PTPRK: variants seen among roughly 807,000 people sequenced by gnomAD.
PTPRK encodes the protein protein tyrosine phosphatase receptor type K, also known as receptor-type tyrosine-protein phosphatase kappa.
PTPRK carries 75 observed loss-of-function variants against 178.0 expected under a neutral mutation model. That is an observed-to-expected ratio of 0.42 (90% CI 0.35 to 0.51). The LOEUF (loss-of-function observed/expected upper bound fraction) is 0.51. Ranked by LOEUF, PTPRK falls within the 20% of genes least tolerant of loss-of-function variation. The probability of loss-of-function intolerance (pLI) is 0.02; values close to 1 mark genes in which losing one functional copy is unlikely to be tolerated. For missense variants in PTPRK, 1,441 were observed against 1,797.8 expected, an observed-to-expected ratio of 0.80 and a Z score of 3.59; for synonymous variants, 637 against 620.6, an observed-to-expected ratio of 1.03 and a Z score of -0.39.
intron 2 of PTPRK, among the ~76,000 whole-genome samples, chr6:128,348,163 T>A (rs1408309153): frequency 2.0e-5 from 3 of 152,086 alleles, no homozygotes; most frequent in Non-Finnish European, 4.4e-5. Flanking sequence ...TGAGGCTACA[T>A]TATTTCCAAG....
chr6:128,309,406 G>A (rs1007133675), intron 3 of PTPRK, among the ~76,000 whole-genome samples: 9 of 152,120 alleles, frequency 5.9e-5, no homozygotes, highest in African/African-American at 1.2e-4. Context: ...GAGTCCAGGA[G>A]TAATCAGAAA....
chr6:128,496,316 G>A (rs1854649408), intron 1 of PTPRK, among the ~76,000 whole-genome samples: 3 of 152,154 alleles, frequency 2.0e-5, no homozygotes, highest in Non-Finnish European at 4.4e-5. Context: ...GAGCAGGGAT[G>A]GGGGCTAGTC....
At chr6:128,447,226 T>G (rs1847148786) in intron 1 of PTPRK, among the ~76,000 whole-genome samples, 1 of 152,250 alleles carries the variant, frequency 6.6e-6, no homozygotes, top group South Asian at 2.1e-4. Flanking sequence ...TGCCAAGATT[T>G]CTACCTGACC....
At chr6:128,137,555 A>G (rs1317615052) in intron 7 of PTPRK, among the ~76,000 whole-genome samples, 2 of 152,124 alleles carry the variant, frequency 1.3e-5, no homozygotes, top group Non-Finnish European at 2.9e-5. Context: ...CTACGAACAG[A>G]TATCTCTTTG....
chr6:128,307,101 A>G (rs1270763983), intron 3 of PTPRK, among the ~76,000 whole-genome samples: 1 of 151,276 alleles, frequency 6.6e-6, no homozygotes, highest in Non-Finnish European at 1.5e-5. Context: ...AAGGTGATGT[A>G]CATCAACATG....
intron 7 of PTPRK, among the ~76,000 whole-genome samples, chr6:128,176,911 C>A (rs78988160): frequency 0.026 from 3,931 of 151,518 alleles, 74 homozygotes; most frequent in Middle Eastern, 0.086. Context: ...CTAATAATAC[C>A]TAGGATGGGT....
intron 2 of PTPRK, among the ~76,000 whole-genome samples, chr6:128,377,938 C>T (rs1014830546): frequency 1.3e-5 from 2 of 151,882 alleles, no homozygotes; most frequent in Non-Finnish European, 2.9e-5. Flanking sequence ...TTCTTTCTTA[C>T]TGTTGAAAAA....
chr6:128,090,096 G>T, intron 7 of PTPRK, 104 bp from the exon 8 acceptor site: 1 of 910,050 alleles, frequency 1.1e-6, no homozygotes, highest in Non-Finnish European at 1.7e-6. Flanking sequence ...TCTAGAAAAT[G>T]TGGAAGTCAT....
At chr6:128,033,514 A>T (rs970478262) in intron 13 of PTPRK, among the ~76,000 whole-genome samples, 4 of 152,194 alleles carry the variant, frequency 2.6e-5, no homozygotes, top group Admixed American at 2.6e-4. Context: ...TTACTGATAC[A>T]TGGATTTGAA....
chr6:128,514,770 A>C (rs1458364245), intron 1 of PTPRK, among the ~76,000 whole-genome samples: 2 of 152,222 alleles, frequency 1.3e-5, no homozygotes, highest in African/African-American at 4.8e-5. Context: ...GTTCCACGAG[A>C]GGATCAATGT....
At chr6:128,226,759 G>GACAGATATAT in intron 5 of PTPRK, among the ~76,000 whole-genome samples, 1 of 49,886 alleles carries the variant, frequency 2.0e-5, no homozygotes, top group African/African-American at 7.0e-5. Flanking sequence ...TAATTATATA[G>GACAGATATAT]ACATATATAT....
chr6:127,976,134 C>T (rs1305109249), intron 27 of PTPRK, among the ~76,000 whole-genome samples: 3 of 152,216 alleles, frequency 2.0e-5, no homozygotes, highest in East Asian at 1.9e-4. Context: ...TGCTTAGAGC[C>T]ATAGGTTGAG....
chr6:128,320,679 G>A (rs76691407), intron 3 of PTPRK, among the ~76,000 whole-genome samples: 202 of 152,162 alleles, frequency 1.3e-3, no homozygotes, highest in African/African-American at 4.8e-3. Flanking sequence ...CATGAAATCA[G>A]TACAATGATA....
Position 128,519,154 on chromosome 6 carries a change from G to A in PTPRK, c.100+1105C>T. 1 of 492,322 alleles carries A rather than the reference G, an allele frequency of 2.0e-6. No individual in the cohort carries two copies. The allele number at this position is 492,322 out of a possible 1,614,324, so 30.5% of individuals were successfully genotyped here. A position where few individuals can be genotyped will look rare whatever the true frequency, so the allele number is the denominator to read the frequency against. The stretch of plus-strand genomic sequence containing the variant: ...CAGCCAAGCGAAGCTGGGTAGGTTG[G>A]CCAGAAAAGTTGTCAGGACTGGCGG... On this transcript the variant is annotated intron_variant, in intron 1 of 29. Coordinates refer to ENST00000368226, the MANE Select transcript of PTPRK (RefSeq NM_002844.4). The surrounding 1 kb of genome is among the most constrained non-coding windows in gnomAD (Gnocchi z 4.3).
At chr6:128,227,771 G>A (rs759780109) in intron 5 of PTPRK, among the ~76,000 whole-genome samples, 14 of 151,960 alleles carry the variant, frequency 9.2e-5, no homozygotes, top group Non-Finnish European at 1.6e-4. Flanking sequence ...AACATATTAC[G>A]GAAATGATTC....
intron 1 of PTPRK, among the ~76,000 whole-genome samples, chr6:128,459,286 G>A (rs1430007637): frequency 6.6e-6 from 1 of 152,104 alleles, no homozygotes; most frequent in Non-Finnish European, 1.5e-5. Flanking sequence ...ACTTGGCAAA[G>A]TTCATTATAG....
intron 7 of PTPRK, among the ~76,000 whole-genome samples, chr6:128,106,727 T>A (rs1264018153): frequency 2.0e-5 from 3 of 152,176 alleles, no homozygotes; most frequent in Admixed American, 6.5e-5. Context: ...ACTGAATATT[T>A]CAATAATTCT....
chr6:128,390,626 T>C (rs557606436), intron 2 of PTPRK, among the ~76,000 whole-genome samples: 2 of 152,248 alleles, frequency 1.3e-5, no homozygotes, highest in African/African-American at 4.8e-5. Flanking sequence ...TGAAGCACGG[T>C]GGTACTGGAA....
chr6:128,210,259 T>TC (rs1807865308), intron 6 of PTPRK, among the ~76,000 whole-genome samples: 1 of 151,960 alleles, frequency 6.6e-6, no homozygotes, highest in Admixed American at 6.6e-5. Context: ...TCACTGCATT[T>TC]CCAACAGCAC....
Sources: gnomAD v4.1 joint callset for allele counts (sites outside exome capture counted in the v4.1 genomes callset) on GRCh38, gnomAD v4.1.1 for gene constraint, Gnocchi (gnomAD v3.1) non-coding constraint, MANE v1.5 for transcripts, NCBI Gene and HGNC (gene_info 2026-07-23, HGNC 2026-07-21) for gene names.